CTNNA2: variants seen among roughly 807,000 people sequenced by gnomAD.
The protein encoded by CTNNA2 is catenin alpha-2.
In CTNNA2, 42 loss-of-function variants were observed where a neutral mutation model predicts 101.0. That is an observed-to-expected ratio of 0.42 (90% CI 0.32 to 0.54). The LOEUF (loss-of-function observed/expected upper bound fraction) is 0.54. Among genes scored for constraint, CTNNA2 ranks in the 20% least tolerant of loss-of-function variants. CTNNA2 has a pLI of 0.14. For synonymous variants in CTNNA2, 450 were observed against 456.4 expected (o/e 0.99, Z 0.18); for missense variants, 871 against 1,223.1 (o/e 0.71, Z 4.29).
At chr2:80,407,048 C>T (rs1021303750) in intron 8 of CTNNA2, among the ~76,000 whole-genome samples, 28 of 152,160 alleles carry the variant, frequency 1.8e-4, no homozygotes, top group Non-Finnish European at 2.9e-4. Context: ...AGCAGGCCAG[C>T]CAACCCAACT....
intron 4 of CTNNA2, among the ~76,000 whole-genome samples, chr2:79,420,775 A>C (rs1268912258): frequency 6.6e-6 from 1 of 152,122 alleles, no homozygotes; most frequent in African/African-American, 2.4e-5. Flanking sequence ...GATCTTTATA[A>C]GCCGTTTCTC....
chr2:79,468,888 A>G (rs1670967682), intron 4 of CTNNA2, among the ~76,000 whole-genome samples: 3 of 152,332 alleles, frequency 2.0e-5, no homozygotes, highest in Admixed American at 2.0e-4. Flanking sequence ...CAGTGTGTAG[A>G]GGGAAATTTA....
chr2:79,571,657 A>G (rs1423086977), intron 1 of CTNNA2, among the ~76,000 whole-genome samples: 1 of 152,132 alleles, frequency 6.6e-6, no homozygotes, highest in Non-Finnish European at 1.5e-5. Context: ...TACCTTAATC[A>G]GAAACCTTCA....
chr2:79,574,700 G>A (rs1675679275), intron 1 of CTNNA2, among the ~76,000 whole-genome samples: 1 of 152,178 alleles, frequency 6.6e-6, no homozygotes, highest in Non-Finnish European at 1.5e-5. Flanking sequence ...TATCTTTATG[G>A]TAGAATGATT....
At chr2:79,288,324 C>T (rs1675682001) in intron 2 of CTNNA2, among the ~76,000 whole-genome samples, 1 of 152,192 alleles carries the variant, frequency 6.6e-6, no homozygotes, top group African/African-American at 2.4e-5. Context: ...TTTGAGTTAT[C>T]CATCTCTGCA....
intron 2 of CTNNA2, among the ~76,000 whole-genome samples, chr2:79,254,840 A>G (rs1470880510): frequency 6.6e-6 from 1 of 152,226 alleles, no homozygotes; most frequent in Non-Finnish European, 1.5e-5. Flanking sequence ...TCCTACCTTT[A>G]TTAAAGTGCC....
At chr2:80,114,605 A>G (rs981167966) in intron 7 of CTNNA2, among the ~76,000 whole-genome samples, 3 of 152,212 alleles carry the variant, frequency 2.0e-5, no homozygotes, top group African/African-American at 7.2e-5. Flanking sequence ...CAGTTAGAGG[A>G]GCACGCTGGC....
intron 7 of CTNNA2, among the ~76,000 whole-genome samples, chr2:80,067,793 A>G (rs1211229461): frequency 6.6e-6 from 1 of 152,134 alleles, no homozygotes; most frequent in Non-Finnish European, 1.5e-5. Context: ...AAGGCTACTC[A>G]AGCAAAGCTG....
At chr2:79,645,580 C>G (rs1316314850) in intron 1 of CTNNA2, among the ~76,000 whole-genome samples, 2 of 152,158 alleles carry the variant, frequency 1.3e-5, no homozygotes, top group Non-Finnish European at 2.9e-5. Context: ...CTTATCTCAT[C>G]TCTCTCCCTT....
chr2:80,325,091 G>A (rs1679115335), intron 7 of CTNNA2, among the ~76,000 whole-genome samples: 2 of 152,144 alleles, frequency 1.3e-5, no homozygotes, highest in Admixed American at 6.5e-5. Flanking sequence ...CTAGAAGAAT[G>A]CAAGGCATTA....
intron 7 of CTNNA2, among the ~76,000 whole-genome samples, chr2:80,140,536 G>C (rs1189972788): frequency 6.6e-6 from 1 of 152,106 alleles, no homozygotes; most frequent in Non-Finnish European, 1.5e-5. Flanking sequence ...AGAGGTGCTT[G>C]TACGTCCCAC....
intron 9 of CTNNA2, among the ~76,000 whole-genome samples, chr2:80,509,448 G>A (rs896495753): frequency 2.6e-5 from 4 of 152,166 alleles, no homozygotes; most frequent in African/African-American, 9.7e-5. Flanking sequence ...AAATTGTCCT[G>A]CTGATGCTCT....
At chr2:80,559,787 T>C (rs1199831916) in intron 12 of CTNNA2, among the ~76,000 whole-genome samples, 1 of 151,964 alleles carries the variant, frequency 6.6e-6, no homozygotes, top group Admixed American at 6.6e-5. Flanking sequence ...AGTACACGCT[T>C]GACCAGACCC....
intron 2 of CTNNA2, among the ~76,000 whole-genome samples, chr2:79,660,251 A>C (rs1481812046): frequency 2.2e-5 from 3 of 135,576 alleles, no homozygotes; most frequent in Non-Finnish European, 5.0e-5. Flanking sequence ...ATATGTGTAT[A>C]TACATATGTA....
At chr2:79,530,163 A>T (rs1672652221) in intron 1 of CTNNA2, among the ~76,000 whole-genome samples, 1 of 152,178 alleles carries the variant, frequency 6.6e-6, no homozygotes. Flanking sequence ...TTCCAGCTGC[A>T]TTCTTTATTT....
Position 80,634,100 on chromosome 2 carries a change from C to T in CTNNA2, c.2575-13485C>T, listed in dbSNP as rs181000602. Among the ~76,000 whole-genome samples, 269 of 152,226 alleles carry T rather than the reference C, an allele frequency of 1.8e-3. 2 individuals are homozygous for T. The highest frequency in any genetic ancestry group is 1.6e-3 in the Non-Finnish European group (107 of 68,014). On this transcript the variant is annotated intron_variant, in intron 18 of 18. Coordinates refer to ENST00000402739, the MANE Select transcript of CTNNA2 (RefSeq NM_001282597.3). ...TCCTATTTCCCCACCCATAAAATTACAATGCTTCAACATCTCGGCAAATAT... is the reference window on the plus strand; with the variant it reads ...TCCTATTTCCCCACCCATAAAATTATAATGCTTCAACATCTCGGCAAATAT...
At chr2:80,431,539 G>T (rs1323481225) in intron 9 of CTNNA2, among the ~76,000 whole-genome samples, 1 of 152,198 alleles carries the variant, frequency 6.6e-6, no homozygotes, top group Admixed American at 6.5e-5. Flanking sequence ...TCTTGAATTT[G>T]TGGGTTACAA....
chr2:79,685,326 A>G (rs184297611), intron 2 of CTNNA2, among the ~76,000 whole-genome samples: 23 of 152,348 alleles, frequency 1.5e-4, no homozygotes, highest in Admixed American at 5.2e-4. Context: ...ATAGATACAT[A>G]TAAGTATCCT....
chr2:79,829,144 T>G (rs998214721), intron 3 of CTNNA2, among the ~76,000 whole-genome samples: 11 of 152,166 alleles, frequency 7.2e-5, no homozygotes, highest in African/African-American at 2.7e-4. Flanking sequence ...TTAGTTCAAG[T>G]AGTTGAATCT....
Sources: allele counts gnomAD v4.1 joint callset (sites outside exome capture counted in the v4.1 genomes callset), GRCh38; gene constraint gnomAD v4.1.1; transcripts MANE v1.5; gene names NCBI Gene and HGNC (gene_info 2026-07-23, HGNC 2026-07-21).